DOK6: variants seen among roughly 807,000 people sequenced by gnomAD.
The protein encoded by DOK6 is docking protein 6, also known as downstream of tyrosine kinase 6.
A neutral mutation model predicts 44.0 loss-of-function variants in DOK6; 22 were observed. The ratio of observed to expected loss-of-function variants is 0.50; its 90% CI spans 0.36 to 0.71. The LOEUF (loss-of-function observed/expected upper bound fraction) is 0.71. Ranked by LOEUF, DOK6 falls within the 30% of genes least tolerant of loss-of-function variation. The pLI, the probability that DOK6 is intolerant of heterozygous loss-of-function variation, is 0.00. For missense variants in DOK6, 340 were observed against 416.4 expected (o/e 0.82, Z 1.60); for synonymous variants, 166 against 145.5 (o/e 1.14, Z -1.01).
chr18:69,626,028 T>C (rs1298891469), intron 3 of DOK6, among the ~76,000 whole-genome samples: 1 of 152,170 alleles, frequency 6.6e-6, no homozygotes, highest in East Asian at 1.9e-4. Flanking sequence ...ACATCCAAGA[T>C]GCATCTGACA....
intron 7 of DOK6, among the ~76,000 whole-genome samples, chr18:69,837,916 A>T (rs1240739021): frequency 2.0e-5 from 3 of 152,008 alleles, no homozygotes; most frequent in African/African-American, 4.8e-5. Context: ...GGCTGTATGG[A>T]CTCTTGATTT....
intron 2 of DOK6, among the ~76,000 whole-genome samples, chr18:69,585,744 T>C (rs1354559316): frequency 6.6e-6 from 1 of 152,256 alleles, no homozygotes; most frequent in East Asian, 1.9e-4. Flanking sequence ...GCCTGAGAAC[T>C]AAGTTGAATG....
intron 1 of DOK6, among the ~76,000 whole-genome samples, chr18:69,536,169 C>T (rs72963591): frequency 0.13 from 20,036 of 152,108 alleles, 1,626 homozygotes; most frequent in South Asian, 0.29. Flanking sequence ...CTCAAAGGAT[C>T]ACATCTACAA....
chr18:69,554,128 A>C (rs1471308167), intron 1 of DOK6, among the ~76,000 whole-genome samples: 1 of 152,216 alleles, frequency 6.6e-6, no homozygotes, highest in Non-Finnish European at 1.5e-5. Flanking sequence ...ATTGTAATTA[A>C]GGCACCCGTA....
At chr18:69,589,067 T>C (rs929227388) in intron 2 of DOK6, among the ~76,000 whole-genome samples, 2 of 152,002 alleles carry the variant, frequency 1.3e-5, no homozygotes, top group African/African-American at 2.4e-5. Context: ...TACTGGAAAA[T>C]TGATATAAAT....
At chr18:69,767,802 A>C (rs1210504757) in intron 7 of DOK6, among the ~76,000 whole-genome samples, 2 of 152,204 alleles carry the variant, frequency 1.3e-5, no homozygotes, top group Non-Finnish European at 2.9e-5. Flanking sequence ...TACTAATTGA[A>C]TTCTTCTGCA....
At chr18:69,687,699 C>G (rs1986182808) in intron 4 of DOK6, among the ~76,000 whole-genome samples, 1 of 152,040 alleles carries the variant, frequency 6.6e-6, no homozygotes, top group Admixed American at 6.6e-5. Context: ...CCCACAAAAC[C>G]TAGGACTAAA....
At chr18:69,575,767 CA>C (rs1983223853) in intron 2 of DOK6, among the ~76,000 whole-genome samples, 1 of 151,880 alleles carries the variant, frequency 6.6e-6, no homozygotes, top group Non-Finnish European at 1.5e-5. Flanking sequence ...TTTATTTTAA[CA>C]AAGAGAAAAT....
At chr18:69,578,345 C>T (rs1983286312) in intron 2 of DOK6, among the ~76,000 whole-genome samples, 1 of 152,046 alleles carries the variant, frequency 6.6e-6, no homozygotes, top group Non-Finnish European at 1.5e-5. Flanking sequence ...TCGCGAGTAA[C>T]ATAATATGTA....
chr18:69,584,274 G>GT (rs1010216865), intron 2 of DOK6, among the ~76,000 whole-genome samples: 17 of 151,828 alleles, frequency 1.1e-4, no homozygotes, highest in African/African-American at 2.4e-4. Context: ...TAAAATCAGG[G>GT]TTTTTTGTTG....
At chr18:69,714,784 T>C (rs1986844452) in intron 5 of DOK6, among the ~76,000 whole-genome samples, 1 of 152,200 alleles carries the variant, frequency 6.6e-6, no homozygotes, top group South Asian at 2.1e-4. Flanking sequence ...CATAAAAGTA[T>C]TTTTCATCTA....
intron 5 of DOK6, among the ~76,000 whole-genome samples, chr18:69,706,465 A>G (rs1986635424): frequency 6.6e-6 from 1 of 152,176 alleles, no homozygotes; most frequent in South Asian, 2.1e-4. Flanking sequence ...CAGGGAGAAT[A>G]GAGCCTCTTA....
intron 1 of DOK6, among the ~76,000 whole-genome samples, chr18:69,482,231 G>T (rs1224815632): frequency 1.3e-5 from 2 of 152,096 alleles, no homozygotes; most frequent in African/African-American, 2.4e-5. Flanking sequence ...AGTTTAATTA[G>T]ATCCCATTTG....
intron 5 of DOK6, among the ~76,000 whole-genome samples, chr18:69,737,694 CAGT>C (rs1232699637): frequency 6.6e-6 from 1 of 152,164 alleles, no homozygotes; most frequent in Non-Finnish European, 1.5e-5. Flanking sequence ...ATGAAGTTTA[CAGT>C]AGTTTTTACT....
chr18:69,724,872 A>G (rs1978298245), intron 5 of DOK6: 1 of 152,246 alleles, frequency 6.6e-6, no homozygotes, highest in African/African-American at 2.4e-5. Flanking sequence ...CTTGTCTGCT[A>G]CTGACGAGTG....
intron 3 of DOK6, among the ~76,000 whole-genome samples, chr18:69,670,240 C>T (rs1482476515): frequency 2.0e-5 from 3 of 152,100 alleles, no homozygotes; most frequent in Admixed American, 2.0e-4. Flanking sequence ...AGATTTGGTA[C>T]AGAGAAACAG....
At chr18:69,778,119 A>G (rs1980136905) in intron 7 of DOK6, among the ~76,000 whole-genome samples, 1 of 152,208 alleles carries the variant, frequency 6.6e-6, no homozygotes, top group South Asian at 2.1e-4. Context: ...GCATTAATAA[A>G]GTAACAAAGA....
chr18:69,747,603 C>CCCCTT (rs1386380730), intron 6 of DOK6, among the ~76,000 whole-genome samples: 2 of 142,840 alleles, frequency 1.4e-5, no homozygotes, highest in South Asian at 4.7e-4. Context: ...GCCCCCTCCC[C>CCCCTT]CCCACAGAAG....
At chr18:69,546,665 G>T (rs1982414028) in intron 1 of DOK6, among the ~76,000 whole-genome samples, 1 of 151,532 alleles carries the variant, frequency 6.6e-6, no homozygotes, top group African/African-American at 2.4e-5. Context: ...AACAGAGGCT[G>T]CTTTTTTATT....
Sources: gnomAD v4.1 joint callset for allele counts (sites outside exome capture counted in the v4.1 genomes callset) on GRCh38, gnomAD v4.1.1 for gene constraint, MANE v1.5 for transcripts, NCBI Gene and HGNC (gene_info 2026-07-23, HGNC 2026-07-21) for gene names.